Variants in COL17A1 observed in about 807,000 individuals in gnomAD.
COL17A1 encodes collagen type XVII alpha 1 chain.
Under a neutral mutation model 218.4 loss-of-function variants are expected in COL17A1, and 181 were observed. That is an observed-to-expected ratio of 0.83 (90% confidence interval 0.73 to 0.94). The LOEUF (loss-of-function observed/expected upper bound fraction) is 0.94, where lower values mean the gene tolerates loss of function less well. Among genes scored for constraint, COL17A1 ranks in the 40% least tolerant of loss-of-function variants. The pLI is 0.00. For missense variants in COL17A1, 1,924 were observed against 1,945.9 expected (o/e 0.99, Z 0.21); for synonymous variants, 721 against 731.0 (o/e 0.99, Z 0.22).
intron 9 of COL17A1, among the ~76,000 whole-genome samples, chr10:104,066,627 C>G (rs1448674455): frequency 6.6e-6 from 1 of 152,200 alleles, no homozygotes; most frequent in East Asian, 1.9e-4. Context: ...GCTCTGGAAT[C>G]CCATAACACG....
intron 8 of COL17A1, among the ~76,000 whole-genome samples, chr10:104,071,699 C>T (rs1254594897): frequency 6.6e-6 from 1 of 152,058 alleles, no homozygotes; most frequent in Non-Finnish European, 1.5e-5. Flanking sequence ...CCCGGGAAGT[C>T]TTCTCTGGCC....
At chr10:104,074,369 A>G (rs537220407) in intron 5 of COL17A1, 138 bp from the exon 6 acceptor site, 5 of 1,249,082 alleles carry the variant, frequency 4.0e-6, no homozygotes, top group Admixed American at 1.9e-5. Flanking sequence ...TATGCTCTTC[A>G]GCATGCATGT....
chr10:104,063,077 T>C (rs983210599), intron 11 of COL17A1, among the ~76,000 whole-genome samples: 9 of 152,134 alleles, frequency 5.9e-5, no homozygotes, highest in Non-Finnish European at 1.3e-4. Flanking sequence ...GTGCTGAAAA[T>C]CTGAATGCAA....
intron 2 of COL17A1, among the ~76,000 whole-genome samples, chr10:104,079,633 A>G (rs757054283): frequency 6.4e-4 from 97 of 152,328 alleles, no homozygotes; most frequent in Non-Finnish European, 1.2e-3. Flanking sequence ...CTTAATGCAT[A>G]AAAGGAAATG....
At chr10:104,036,105 A>AGTGTGTGTATGGGAGTGTATGG (rs1564671292) in intron 48 of COL17A1, among the ~76,000 whole-genome samples, 1 of 824 alleles carries the variant, frequency 1.2e-3, no homozygotes. Flanking sequence ...TGTGTATGGG[A>AGTGTGTGTATGGGAGTGTATGG]GTGTGTGTGT....
chr10:104,059,493 G>T, intron 15 of COL17A1, 145 bp downstream of exon 15: 1 of 750,844 alleles, frequency 1.3e-6, no homozygotes, highest in Non-Finnish European at 2.4e-6. Context: ...CTAGGGCTGG[G>T]ATCCTGCTTT....
chr10:104,033,181 A>G (rs1844711889), intron 53 of COL17A1, 57 bp downstream of exon 53: 1 of 1,560,134 alleles, frequency 6.4e-7, no homozygotes, highest in Admixed American at 2.0e-5. Context: ...TCTGGAGCAG[A>G]CCCGTGGGAA....
chr10:104,039,607 C>T lies in COL17A1; in HGVS notation c.2821+1G>A. On this transcript the variant is annotated splice_donor_variant, in intron 42 of 55. Coordinates refer to ENST00000648076, the MANE Select transcript of COL17A1 (RefSeq NM_000494.4). LOFTEE classifies it high-confidence loss of function. ...AGAATGGGGCGGGGTTCAGCCCTTA[C>T]CTGAGGTTGAGAAACCTGGGAGGCC... 1 of 1,614,142 alleles carries T rather than the reference C, an allele frequency of 6.2e-7. No homozygotes were observed. The highest frequency in any genetic ancestry group is 8.5e-7 in the Non-Finnish European group (1 of 1,180,012).
intron 36 of COL17A1, 88 bp downstream of exon 36, chr10:104,042,332 T>A: frequency 3.5e-6 from 5 of 1,417,400 alleles, no homozygotes; most frequent in Non-Finnish European, 5.0e-6. Context: ...TTTCACGTCA[T>A]CTAGAACAGA....
At chr10:104,058,648 T>C (rs2086553955) in intron 15 of COL17A1, among the ~76,000 whole-genome samples, 1 of 152,104 alleles carries the variant, frequency 6.6e-6, no homozygotes, top group African/African-American at 2.4e-5. Context: ...AAGTTGAGTG[T>C]TTAGGCCAGG....
At chr10:104,058,269 A>G in intron 15 of COL17A1, 79 bp from the exon 16 acceptor site, 1 of 1,587,500 alleles carries the variant, frequency 6.3e-7, no homozygotes, top group Non-Finnish European at 8.6e-7. Flanking sequence ...CCATTTTTTT[A>G]TTCCTTTACT....
At chr10:104,039,419 C>T (rs2086335102) in intron 43 of COL17A1, 26 bp downstream of exon 43, 2 of 1,612,112 alleles carry the variant, frequency 1.2e-6, no homozygotes, top group East Asian at 2.2e-5. Context: ...TACTCCTCAC[C>T]ACCTTCTCAC....
At chr10:104,074,761 G>T (rs890984223) in intron 5 of COL17A1, among the ~76,000 whole-genome samples, 1 of 152,336 alleles carries the variant, frequency 6.6e-6, no homozygotes, top group Middle Eastern at 3.4e-3. Flanking sequence ...GTCCTGCAGC[G>T]GCAGGAGGGA....
chr10:104,039,033 A>C, intron 44 of COL17A1, 38 bp downstream of exon 44: 1 of 1,596,434 alleles, frequency 6.3e-7, no homozygotes, highest in East Asian at 2.2e-5. Context: ...CTTCACCAGA[A>C]GAAGTGGAGA....
At chr10:104,076,943 A>C (rs772857054) in intron 4 of COL17A1, among the ~76,000 whole-genome samples, 1 of 152,232 alleles carries the variant, frequency 6.6e-6, no homozygotes, top group Non-Finnish European at 1.5e-5. Context: ...ATGCTTGCCC[A>C]GTGGAATCTT....
rs201399777 is a variant in COL17A1 at position 104,080,648 on chromosome 10, C to T, written c.26G>A (p.Arg9Gln). The T allele has an allele frequency of 1.2e-5, 20 of 1,613,068 alleles. No homozygotes were observed. Among genetic ancestry groups the T allele is most frequent in the African/African-American group, 1.3e-5 (1 of 74,914 alleles). The change falls in exon 2 of 56, where the codon CGA (arginine) becomes CAA (glutamine). Residue 9 changes from arginine (R) to glutamine (Q), a missense_variant. Coordinates refer to ENST00000648076, the MANE Select transcript of COL17A1 (RefSeq NM_000494.4). ...TCTCTCAGTGACTTCAGTTCCATCT[C>T]GTTTGTTTTTCTTGGTTACATCCAT... MDVTKKNKRDGTEVTERIV... is the reference protein window; with the variant it reads MDVTKKNKQDGTEVTERIV...
At chr10:104,034,394 G>A in intron 51 of COL17A1, 60 bp from the exon 52 acceptor site, 1 of 1,517,930 alleles carries the variant, frequency 6.6e-7, no homozygotes, top group East Asian at 2.5e-5. Context: ...AAAGACTTGG[G>A]AGTTAGGGAG....
In COL17A1 at chr10:104,083,085, C is replaced by T. The variant is rs1174978035; in HGVS notation, c.-11-2401G>A. Among the ~76,000 whole-genome samples the T allele has an allele frequency of 1.4e-4, 21 of 152,148 alleles. No homozygotes were observed. The East Asian group carries it at 2.7e-3, about 20-fold the overall frequency. On this transcript the variant is annotated intron_variant, in intron 1 of 55. Coordinates refer to ENST00000648076, the MANE Select transcript of COL17A1 (RefSeq NM_000494.4). ...GTGTTGGGAGACTGATTCCTTTAAA[C>T]GAAATATAAGAGGAAACTTTCTATA...
At chr10:104,033,902 C>T (rs202186374) in intron 52 of COL17A1, 43 bp downstream of exon 52, 118 of 1,613,308 alleles carry the variant, frequency 7.3e-5, no homozygotes, top group South Asian at 6.6e-4. Flanking sequence ...GATGCTCCCA[C>T]GCTCCTTCCC....
Sources: gnomAD v4.1 joint callset for allele counts (sites outside exome capture counted in the v4.1 genomes callset) on GRCh38, gnomAD v4.1.1 for gene constraint, MANE v1.5 for transcripts, NCBI Gene and HGNC (gene_info 2026-07-23, HGNC 2026-07-21) for gene names.